Variants in HDAC8 observed in about 807,000 individuals in gnomAD.
HDAC8 encodes histone deacetylase-like 1.
In HDAC8, 1 loss-of-function variant was observed where a neutral mutation model predicts 32.2. The observed-to-expected ratio is 0.03, with a 90% CI of 0.01 to 0.15. HDAC8 has a LOEUF of 0.15. Among genes scored for constraint, HDAC8 ranks in the 10% least tolerant of loss-of-function variants. The pLI is 1.00. For synonymous variants in HDAC8, 108 were observed against 113.9 expected, an observed-to-expected ratio of 0.95 and a Z score of 0.33; for missense variants, 117 against 300.0, an observed-to-expected ratio of 0.39 and a Z score of 4.51.
chrX:72,489,533 A>G (rs1278856940), intron 6 of HDAC8, among the ~76,000 whole-genome samples: 1 of 111,317 alleles, frequency 9.0e-6, no homozygotes, highest in Non-Finnish European at 1.9e-5. Flanking sequence ...TGGTGCTGGG[A>G]AAACTGGCTA....
At chrX:72,469,172 G>A (rs1328264362) in intron 7 of HDAC8, among the ~76,000 whole-genome samples, 1 of 107,599 alleles carries the variant, frequency 9.3e-6, no homozygotes, top group Admixed American at 9.9e-5. Context: ...TATTTTCAAA[G>A]TACACCATCC....
intron 9 of HDAC8, among the ~76,000 whole-genome samples, chrX:72,412,428 C>T (rs192010939): frequency 3.8e-4 from 42 of 111,648 alleles, no homozygotes; most frequent in Admixed American, 1.3e-3. Context: ...AATGTAGCAG[C>T]CTAGATTTCT....
At chrX:72,440,280 A>C (rs1412604220) in intron 9 of HDAC8, among the ~76,000 whole-genome samples, 1 of 111,913 alleles carries the variant, frequency 8.9e-6, no homozygotes, top group Non-Finnish European at 1.9e-5. Context: ...AACCAATGAG[A>C]ACAAAGATAC....
At chrX:72,347,125 A>G (rs1252160204) in intron 10 of HDAC8, among the ~76,000 whole-genome samples, 3 of 111,941 alleles carry the variant, frequency 2.7e-5, no homozygotes, top group African/African-American at 9.7e-5. Flanking sequence ...CACCTGCTGA[A>G]TGAATAAAGG....
intron 4 of HDAC8, among the ~76,000 whole-genome samples, chrX:72,512,920 G>T (rs2049639917): frequency 9.0e-6 from 1 of 111,151 alleles, no homozygotes; most frequent in Non-Finnish European, 1.9e-5. Flanking sequence ...TCTCACTATT[G>T]CCCTCAAGTA....
chrX:72,464,780 G>A, intron 7 of HDAC8, 49 bp from the exon 8 acceptor site: 1 of 953,302 alleles, frequency 1.0e-6, no homozygotes, highest in Non-Finnish European at 1.5e-6. Flanking sequence ...TGGTCTAGGG[G>A]TAGTGGTGGT....
chrX:72,391,236 G>T (rs2045604445), intron 9 of HDAC8, among the ~76,000 whole-genome samples: 1 of 112,039 alleles, frequency 8.9e-6, no homozygotes, highest in Admixed American at 9.5e-5. Flanking sequence ...AGGACTCAAA[G>T]CAAGAGCAGT....
rs1186601047 is a variant in HDAC8 at position 72,446,310 on chromosome X, A to G, written c.1005+15694T>C. Among the ~76,000 whole-genome samples the G allele has an allele frequency of 1.9e-4, 21 of 112,415 alleles. 1 individual carries two copies. Among genetic ancestry groups the G allele is most frequent in the Admixed American group, 1.8e-3 (19 of 10,654 alleles). ...CAAATGTTCAACAATGATAGACTGGATTAAGAAAATGTGGCACATATACAC... is the reference window on the plus strand; with the variant it reads ...CAAATGTTCAACAATGATAGACTGGGTTAAGAAAATGTGGCACATATACAC... On this transcript the variant is annotated intron_variant, in intron 9 of 10. Coordinates refer to ENST00000373573, the MANE Select transcript of HDAC8 (RefSeq NM_018486.3).
At chrX:72,568,278 T>C (rs1556140193) in intron 3 of HDAC8, among the ~76,000 whole-genome samples, 1 of 112,213 alleles carries the variant, frequency 8.9e-6, no homozygotes, top group Non-Finnish European at 1.9e-5. Context: ...GTGATGTGTC[T>C]TGTCAGTGGT....
chrX:72,508,226 T>A (rs1200754274), intron 4 of HDAC8, among the ~76,000 whole-genome samples: 2 of 112,259 alleles, frequency 1.8e-5, no homozygotes, highest in African/African-American at 6.5e-5. Flanking sequence ...CTTTCATTGG[T>A]AGTAAGGTTT....
intron 4 of HDAC8, among the ~76,000 whole-genome samples, chrX:72,561,914 C>T (rs1314223412): frequency 8.9e-6 from 1 of 111,895 alleles, no homozygotes; most frequent in East Asian, 2.8e-4. Flanking sequence ...AAATGGCCAA[C>T]AAACATATGA....
At chrX:72,338,824 G>C (rs2043807551) in intron 10 of HDAC8, among the ~76,000 whole-genome samples, 1 of 105,863 alleles carries the variant, frequency 9.4e-6, no homozygotes, top group African/African-American at 3.4e-5. Flanking sequence ...TGAGGCATGA[G>C]GATCCCTTGA....
chrX:72,378,161 A>G (rs1555958865), intron 9 of HDAC8, among the ~76,000 whole-genome samples: 1 of 110,774 alleles, frequency 9.0e-6, no homozygotes, highest in African/African-American at 3.3e-5. Flanking sequence ...TGGTTTGTTC[A>G]TCCCCACCAA....
chrX:72,474,197 T>G, intron 7 of HDAC8: 1 of 751,412 alleles, frequency 1.3e-6, no homozygotes, highest in Non-Finnish European at 1.6e-6. Flanking sequence ...TGAAGTATTT[T>G]CTCTCTTTGA....
At chrX:72,338,737 T>G (rs1000919611) in intron 10 of HDAC8, among the ~76,000 whole-genome samples, 25 of 101,749 alleles carry the variant, frequency 2.5e-4, no homozygotes, top group Non-Finnish European at 4.7e-4. Context: ...TTTTTATTTT[T>G]TGGGTTATTA....
intron 9 of HDAC8, among the ~76,000 whole-genome samples, chrX:72,401,803 A>G (rs1337885950): frequency 8.9e-6 from 1 of 112,213 alleles, no homozygotes; most frequent in African/African-American, 3.2e-5. Flanking sequence ...ATTATCTTCC[A>G]TTCTGTTTTG....
At chrX:72,567,427 C>A (rs1184367088) in intron 4 of HDAC8, among the ~76,000 whole-genome samples, 5 of 112,380 alleles carry the variant, frequency 4.4e-5, no homozygotes, top group African/African-American at 1.3e-4. Flanking sequence ...TGATTAATTT[C>A]TTTCTACTGA....
chrX:72,496,720 C>T (rs1433152995), intron 4 of HDAC8, among the ~76,000 whole-genome samples: 1 of 107,146 alleles, frequency 9.3e-6, no homozygotes, highest in Non-Finnish European at 1.9e-5. Flanking sequence ...CAAATCAATA[C>T]AAGACATACT....
intron 4 of HDAC8, among the ~76,000 whole-genome samples, chrX:72,509,105 A>ATT (rs782661463): frequency 4.4e-4 from 45 of 101,591 alleles, no homozygotes; most frequent in Middle Eastern, 1.0e-2. Context: ...CCTCTTATCA[A>ATT]TTTTTTTTTT....
Sources: allele counts gnomAD v4.1 joint callset (sites outside exome capture counted in the v4.1 genomes callset), GRCh38; gene constraint gnomAD v4.1.1; transcripts MANE v1.5; gene names NCBI Gene and HGNC (gene_info 2026-07-23, HGNC 2026-07-21).